The following ELAVL4 variants were observed in gnomAD, a reference collection of about 807,000 sequenced individuals.
The protein encoded by ELAVL4 is ELAV-like protein 4.
Under a neutral mutation model 35.6 loss-of-function variants are expected in ELAVL4, and 1 was observed. The ratio of observed to expected loss-of-function variants is 0.03; its 90% CI spans 0.01 to 0.13. The LOEUF (loss-of-function observed/expected upper bound fraction) is 0.13. ELAVL4 is among the 10% of genes least tolerant of loss of function. The probability of loss-of-function intolerance (pLI) is 1.00; values close to 1 mark genes in which losing one functional copy is unlikely to be tolerated. For missense variants in ELAVL4, 267 were observed against 464.9 expected (o/e 0.57, Z 3.91); for synonymous variants, 156 against 171.0 (o/e 0.91, Z 0.69).
intron 2 of ELAVL4, among the ~76,000 whole-genome samples, chr1:50,166,077 T>C (rs530289297): frequency 6.6e-6 from 1 of 152,148 alleles, no homozygotes; most frequent in African/African-American, 2.4e-5. Context: ...GCTGATTAGA[T>C]CGTGCCCACT....
At chr1:50,107,726 A>C (rs1666454233), upstream of ELAVL4, among the ~76,000 whole-genome samples, 1 of 152,236 alleles carries the variant, frequency 6.6e-6, no homozygotes, top group African/African-American at 2.4e-5. Context: ...AATTGATTAA[A>C]TTATGAGTTA....
upstream of ELAVL4, among the ~76,000 whole-genome samples, chr1:50,099,225 C>T (rs955973387): frequency 3.9e-5 from 6 of 152,066 alleles, no homozygotes; most frequent in African/African-American, 9.7e-5. Context: ...AGGCAAATAA[C>T]GTACAATTTC....
At chr1:50,086,078 T>C (rs1314590350) in intron 1 of ELAVL4, among the ~76,000 whole-genome samples, 1 of 152,182 alleles carries the variant, frequency 6.6e-6, no homozygotes, top group Admixed American at 6.5e-5. Flanking sequence ...GATCTTTTTT[T>C]TTGTATCTTT....
At chr1:50,087,886 C>T (rs1665321774) in intron 1 of ELAVL4, among the ~76,000 whole-genome samples, 1 of 152,206 alleles carries the variant, frequency 6.6e-6, no homozygotes, top group African/African-American at 2.4e-5. Flanking sequence ...CAAGAAAATA[C>T]ATTTCTTTTG....
At chr1:50,151,277 T>C (rs1405100270) in intron 2 of ELAVL4, among the ~76,000 whole-genome samples, 1 of 152,206 alleles carries the variant, frequency 6.6e-6, no homozygotes, top group African/African-American at 2.4e-5. Flanking sequence ...GGAATGAAAT[T>C]TTTGAATACC....
chr1:50,189,422 G>A (rs1281140709), intron 3 of ELAVL4, among the ~76,000 whole-genome samples: 1 of 152,242 alleles, frequency 6.6e-6, no homozygotes, highest in African/African-American at 2.4e-5. Context: ...GACTTGCTGA[G>A]AGCAGAATTG....
At position 50,109,159 on chromosome 1, in the gene ELAVL4, G is replaced by A; in HGVS notation, c.-31G>A. On this transcript the variant is annotated 5_prime_UTR_variant, in exon 1 of 7. Coordinates refer to ENST00000371824, the MANE Select transcript of ELAVL4 (RefSeq NM_001144774.3). ...TGCAAATTTTAACAGAAGAGTCGAA[G>A]CTCTGCGAGACCCAATATTTGCCAA... 1 of 1,608,362 alleles carries A rather than the reference G, an allele frequency of 6.2e-7. No individual in the cohort carries two copies. Among genetic ancestry groups the A allele is most frequent in the Non-Finnish European group, 8.5e-7 (1 of 1,177,958 alleles).
chr1:50,148,964 T>G (rs1481804351), intron 2 of ELAVL4, among the ~76,000 whole-genome samples: 3 of 152,128 alleles, frequency 2.0e-5, no homozygotes, highest in Admixed American at 6.5e-5. Context: ...CAGGGCAAGG[T>G]TAGGTGGCTC....
chr1:50,106,429 T>A (rs747291114), upstream of ELAVL4: 6 of 1,535,564 alleles, frequency 3.9e-6, no homozygotes, highest in South Asian at 5.7e-5. Flanking sequence ...AGCCCCACAG[T>A]GCTGGGATAT....
intron 2 of ELAVL4, among the ~76,000 whole-genome samples, chr1:50,174,143 G>A (rs999181876): frequency 6.6e-6 from 1 of 152,084 alleles, no homozygotes; most frequent in African/African-American, 2.4e-5. Flanking sequence ...AGTAAAGCTT[G>A]GGTTTTTTTA....
chr1:50,052,913 G>T (rs891691438), intron 1 of ELAVL4, among the ~76,000 whole-genome samples: 4 of 152,230 alleles, frequency 2.6e-5, no homozygotes, highest in Non-Finnish European at 4.4e-5. Context: ...CTACCAGTTT[G>T]TGCTAATTTG....
intron 2 of ELAVL4, among the ~76,000 whole-genome samples, chr1:50,148,629 G>A (rs546690209): frequency 6.6e-6 from 1 of 152,252 alleles, no homozygotes; most frequent in African/African-American, 2.4e-5. Context: ...TTGCTTTTGT[G>A]TACAGCCGTG....
intron 3 of ELAVL4, chr1:50,179,461 A>G (rs1433363218): frequency 6.6e-6 from 1 of 152,220 alleles, no homozygotes; most frequent in African/African-American, 2.4e-5. Context: ...TATTAAAGGA[A>G]AGAAAAAAGC....
intron 1 of ELAVL4, among the ~76,000 whole-genome samples, chr1:50,128,107 C>T (rs953341185): frequency 2.0e-5 from 3 of 152,032 alleles, no homozygotes; most frequent in Non-Finnish European, 4.4e-5. Context: ...CAAATTCAGA[C>T]TCAACGTGGA....
chr1:50,116,179 C>T (rs536858294), intron 1 of ELAVL4, among the ~76,000 whole-genome samples: 1 of 152,092 alleles, frequency 6.6e-6, no homozygotes, highest in African/African-American at 2.4e-5. Flanking sequence ...GTCTTTCAGT[C>T]AGCAGCCCAT....
At chr1:50,162,564 G>A (rs374855750) in intron 2 of ELAVL4, among the ~76,000 whole-genome samples, 3 of 152,136 alleles carry the variant, frequency 2.0e-5, no homozygotes, top group Admixed American at 6.5e-5. Context: ...TTGGGAATTC[G>A]GGTCCTGGGT....
rs1673460324 is a variant in ELAVL4 at position 50,145,069 on chromosome 1, C to T, written c.122C>T (p.Thr41Ile). 1.2e-6 allele frequency: 2 copies of T among 1,613,918 alleles called. No homozygotes were observed. Among genetic ancestry groups the T allele is most frequent in the Non-Finnish European group, 1.7e-6 (2 of 1,179,976 alleles). ...TCTCCCATGCAAACAGGGGCAACCA[C>T]AGATGACAGCAAAACCAACCTCATC... ...CPSPMQTGAT[T>I]DDSKTNLIVN... is the part of the protein sequence containing the mutation. Residue 41 changes from threonine (T) to isoleucine (I), a missense_variant, in exon 2 of 7, where the codon ACA (threonine) becomes ATA (isoleucine). Coordinates refer to ENST00000371824, the MANE Select transcript of ELAVL4 (RefSeq NM_001144774.3).
chr1:50,159,522 TC>T (rs1676388346), intron 2 of ELAVL4, among the ~76,000 whole-genome samples: 1 of 151,758 alleles, frequency 6.6e-6, no homozygotes, highest in African/African-American at 2.4e-5. Flanking sequence ...GGCACGAGAA[TC>T]ACTTGAACCT....
intron 1 of ELAVL4, among the ~76,000 whole-genome samples, chr1:50,058,890 T>C (rs1663819860): frequency 6.6e-6 from 1 of 152,124 alleles, no homozygotes; most frequent in Non-Finnish European, 1.5e-5. Context: ...AGGCATGAGT[T>C]ACCGCACCTG....
Sources: gnomAD v4.1 joint callset for allele counts (sites outside exome capture counted in the v4.1 genomes callset) on GRCh38, gnomAD v4.1.1 for gene constraint, MANE v1.5 for transcripts, NCBI Gene and HGNC (gene_info 2026-07-23, HGNC 2026-07-21) for gene names.